The following ZNG1A variants were observed in gnomAD, a reference collection of about 807,000 sequenced individuals.
ZNG1A encodes Zn regulated GTPase metalloprotein activator 1A.
chr9:162,524 T>A, the ZNG1A span: 1 of 1,568,356 alleles, frequency 6.4e-7, no homozygotes, highest in Non-Finnish European at 8.7e-7. Context: ...TATTAATATT[T>A]GTACAACCAT....
At chr9:163,841 C>T in the ZNG1A span, 6 of 1,097,560 alleles carry the variant, frequency 5.5e-6, 1 homozygote, top group South Asian at 8.7e-5. Flanking sequence ...CACTTGAACC[C>T]AGGAGGTAAA....
chr9:178,033 T>G, the ZNG1A span, among the ~76,000 whole-genome samples: 1 of 149,440 alleles, frequency 6.7e-6, no homozygotes, highest in East Asian at 1.9e-4. Context: ...TTATATTTCT[T>G]AACTTTTTCC....
At chr9:173,695 C>A in the ZNG1A span, among the ~76,000 whole-genome samples, 1 of 152,068 alleles carries the variant, frequency 6.6e-6, no homozygotes, top group East Asian at 1.9e-4. Flanking sequence ...GGTAAACTTT[C>A]TAAATAGACC....
the ZNG1A span, chr9:167,368 C>G: frequency 6.6e-6 from 1 of 150,966 alleles, no homozygotes; most frequent in Non-Finnish European, 1.5e-5. Flanking sequence ...CAATCAAACA[C>G]TAGGAGATTA....
chr9:139,208 T>C, the ZNG1A span, among the ~76,000 whole-genome samples: 3 of 149,990 alleles, frequency 2.0e-5, no homozygotes, highest in Non-Finnish European at 4.4e-5. Flanking sequence ...AACCTTGCCA[T>C]ATGCAAAAAC....
At chr9:140,368 C>T in the ZNG1A span, among the ~76,000 whole-genome samples, 15 of 151,012 alleles carry the variant, frequency 9.9e-5, no homozygotes, top group Admixed American at 8.5e-4. Context: ...GACCCCCGAG[C>T]AGCCTAACTG....
the ZNG1A span, chr9:159,974 G>C: frequency 2.5e-6 from 1 of 403,932 alleles, no homozygotes. Context: ...TATAACAGAC[G>C]AACCAAGAAG....
chr9:120,856 A>G, the ZNG1A span, among the ~76,000 whole-genome samples: 1 of 152,244 alleles, frequency 6.6e-6, no homozygotes, highest in South Asian at 2.1e-4. Flanking sequence ...GAAGAATTTC[A>G]ATTAATCATG....
chr9:172,283 A>G, the ZNG1A span: 1 of 1,415,922 alleles, frequency 7.1e-7, no homozygotes, highest in Non-Finnish European at 9.7e-7. Context: ...ACCCTTGGGA[A>G]TGTGAAAATT....
chr9:178,806 G>C, the ZNG1A span: 394,933 of 1,114,836 alleles, frequency 0.35, 156,204 homozygotes, highest in East Asian at 0.53. Flanking sequence ...TGACTGGGAT[G>C]GTTAGTTACC....
At chr9:172,032 C>T in the ZNG1A span, 20 of 1,608,482 alleles carry the variant, frequency 1.2e-5, no homozygotes, top group South Asian at 2.2e-5. Flanking sequence ...CATCTATTTA[C>T]AATATATCAC....
chr9:164,037 C>T, the ZNG1A span: 5 of 1,584,428 alleles, frequency 3.2e-6, 1 homozygote, highest in Admixed American at 7.3e-5. Flanking sequence ...AGCCACTGCA[C>T]CTGAAAATAT....
chr9:130,510 C>A, the ZNG1A span, among the ~76,000 whole-genome samples: 1 of 107,708 alleles, frequency 9.3e-6, no homozygotes, highest in South Asian at 3.6e-4. Context: ...TGGCTTACTG[C>A]AGCTTTGAAC....
At chr9:129,432 C>A in the ZNG1A span, among the ~76,000 whole-genome samples, 2 of 149,808 alleles carry the variant, frequency 1.3e-5, no homozygotes, top group Non-Finnish European at 2.9e-5. Flanking sequence ...ATGTCCAGGA[C>A]AGTTGAATGG....
chr9:149,979 G>A, the ZNG1A span, among the ~76,000 whole-genome samples: 1 of 150,540 alleles, frequency 6.6e-6, no homozygotes. Flanking sequence ...TACTCAAGGT[G>A]AGCCTTTTTC....
the ZNG1A span, chr9:150,557 T>C: frequency 1.0e-6 from 1 of 983,106 alleles, no homozygotes; most frequent in Non-Finnish European, 1.2e-6. Context: ...TTGAAAAGGA[T>C]TCTAATGCAA....
the ZNG1A span, chr9:164,291 TAAACA>T: frequency 2.5e-6 from 1 of 392,884 alleles, no homozygotes; most frequent in African/African-American, 2.3e-5. Flanking sequence ...TAACCACATA[TAAACA>T]AAACATCATT....
the ZNG1A span, chr9:150,920 T>C: frequency 1.0e-6 from 1 of 979,118 alleles, no homozygotes; most frequent in African/African-American, 1.8e-5. Context: ...ATGAGCATTA[T>C]TTTTAAAAGC....
chr9:154,492 T>C, the ZNG1A span: 1 of 575,734 alleles, frequency 1.7e-6, no homozygotes, highest in Non-Finnish European at 3.1e-6. Flanking sequence ...AATATCAGTC[T>C]ATTAACTGTG....
Sources: gnomAD v4.1 joint callset for allele counts (sites outside exome capture counted in the v4.1 genomes callset) on GRCh38, gnomAD v4.1.1 for gene constraint, MANE v1.5 for transcripts, NCBI Gene and HGNC (gene_info 2026-07-23, HGNC 2026-07-21) for gene names.